The following MYO18A variants were observed in gnomAD, a reference collection of about 807,000 sequenced individuals.
The protein encoded by MYO18A is unconventional myosin-XVIIIa.
In MYO18A, 78 loss-of-function variants were observed where a neutral mutation model predicts 235.8. The observed-to-expected ratio is 0.33, with a 90% CI of 0.28 to 0.40. The LOEUF (loss-of-function observed/expected upper bound fraction) is 0.40, where lower values mean the gene tolerates loss of function less well. Ranked by LOEUF, MYO18A falls within the 10% of genes least tolerant of loss-of-function variation. MYO18A has a pLI of 1.00. For missense variants in MYO18A, 2,215 were observed against 2,699.3 expected (o/e 0.82, Z 3.98); for synonymous variants, 977 against 1,077.8 (o/e 0.91, Z 1.83).
In MYO18A at chr17:29,166,638, G is replaced by A; in HGVS notation, c.303C>T (p.Ser101=). ...CCTCACCCTTGAGGTCATCGCTGGA[G>A]CTGGCTGTACTTAGGTGGCCCGAGT... ...ILDSGHLSTA[S]SSDDLKGEEG... Residue 101 remains serine (S), a synonymous_variant, in exon 2 of 42, where the codon AGC becomes AGT. Transcript: ENST00000527372. 6.2e-7 allele frequency: 1 copy of A among 1,613,918 alleles called. No homozygotes were observed. The highest frequency in any genetic ancestry group is 1.1e-5 in the South Asian group (1 of 91,080).
At chr17:29,176,730 C>A (rs1476302829) in intron 1 of MYO18A, 2 of 152,272 alleles carry the variant, frequency 1.3e-5, no homozygotes. Flanking sequence ...TGCTGAGCTC[C>A]GCAGCGCCGG....
intron 1 of MYO18A, among the ~76,000 whole-genome samples, chr17:29,175,949 C>T (rs1011243348): frequency 6.6e-6 from 1 of 152,022 alleles, no homozygotes; most frequent in African/African-American, 2.4e-5. Flanking sequence ...ATCCCAGCTG[C>T]TCGGGAGGCT....
chr17:29,171,835 T>C (rs926616676), intron 1 of MYO18A, among the ~76,000 whole-genome samples: 21 of 151,412 alleles, frequency 1.4e-4, no homozygotes, highest in Admixed American at 2.6e-4. Context: ...CGAGGCTACA[T>C]TGAGCCACGA....
rs1308230605 is a variant in MYO18A, at chr17:29,120,545, AGCCTGATGTCTAGGTC to A, written c.1728+55_1728+70del. On this transcript the variant is annotated intron_variant, in intron 7 of 41. Transcript: ENST00000527372. This position sits in a 1 kb window ranked among gnomAD's most constrained non-coding sequence, Gnocchi z 4.2. ...CCCAGGAAAATGAGGCATGGGAGAG[AGCCTGATGTCTAGGTC>A]ATGAAATCATGTGGCCTGTGTCCTA... 1.7e-5 allele frequency: 26 copies of A among 1,537,712 alleles called. No homozygotes were observed. In the Middle Eastern group the frequency reaches 5.2e-4, roughly 31 times the overall value.
intron 2 of MYO18A, among the ~76,000 whole-genome samples, chr17:29,149,153 G>T (rs1021805193): frequency 1.3e-5 from 2 of 152,252 alleles, no homozygotes; most frequent in African/African-American, 4.8e-5. Flanking sequence ...GCCCGAGGGG[G>T]CTGCGGCGGC....
At chr17:29,086,227 C>CT (rs2066250380) in intron 39 of MYO18A, among the ~76,000 whole-genome samples, 1 of 152,176 alleles carries the variant, frequency 6.6e-6, no homozygotes, top group African/African-American at 2.4e-5. Flanking sequence ...AGAGGGGAGA[C>CT]TGGCTGGGTG....
chr17:29,116,559 G>T, intron 10 of MYO18A, 104 bp from the exon 11 acceptor site: 2 of 1,386,504 alleles, frequency 1.4e-6, no homozygotes, highest in Non-Finnish European at 2.0e-6. Context: ...GGGCGGGGGT[G>T]TTGTGAGGAT....
intron 15 of MYO18A, among the ~76,000 whole-genome samples, chr17:29,112,287 C>T (rs1351948954): frequency 6.6e-6 from 1 of 152,256 alleles, no homozygotes; most frequent in African/African-American, 2.4e-5. Flanking sequence ...CCTAAGGAAG[C>T]TGTCAGTAAG....
chr17:29,096,376 G>A (rs190493906), intron 28 of MYO18A, among the ~76,000 whole-genome samples: 14 of 152,328 alleles, frequency 9.2e-5, no homozygotes, highest in African/African-American at 2.9e-4. Flanking sequence ...GTAGTTTAAC[G>A]ACATTAGTCA....
chr17:29,122,042 C>T lies in MYO18A; in HGVS notation c.1088-85G>A, dbSNP rs186106569. The T allele has an allele frequency of 2.8e-4, 424 of 1,510,230 alleles. 1 individual carries two copies. Among genetic ancestry groups the T allele is most frequent in the Middle Eastern group, 1.4e-3 (8 of 5,866 alleles). The allele number at this position is 1,510,230 out of a possible 1,614,324, so 93.6% of individuals were successfully genotyped here. ...GAACTTCTCGGTCCTATCCTCCCCC[C>T]CACTGCATCACCAGCCTCTCCTTGC... On this transcript the variant is annotated intron_variant, in intron 3 of 41. Transcript: ENST00000527372.
At chr17:29,099,037 C>A (rs1042913069) in intron 22 of MYO18A, 68 bp from the exon 23 acceptor site, 2 of 1,590,342 alleles carry the variant, frequency 1.3e-6, no homozygotes, top group African/African-American at 1.3e-5. Context: ...GGCCCAGGAT[C>A]CTCCCCACCA....
intron 15 of MYO18A, among the ~76,000 whole-genome samples, chr17:29,113,095 C>T (rs908818645): frequency 1.1e-4 from 17 of 152,230 alleles, no homozygotes; most frequent in South Asian, 2.1e-4. Flanking sequence ...GGAACCACAA[C>T]GGTTCTGAGT....
chr17:29,138,304 T>C (rs1039429217), intron 2 of MYO18A, among the ~76,000 whole-genome samples: 1 of 151,424 alleles, frequency 6.6e-6, no homozygotes, highest in African/African-American at 2.4e-5. Context: ...AGCTGAGACG[T>C]AGCTGGTGGC....
chr17:29,096,196 C>T (rs763207625), intron 28 of MYO18A, among the ~76,000 whole-genome samples: 17 of 152,150 alleles, frequency 1.1e-4, no homozygotes, highest in Non-Finnish European at 2.4e-4. Context: ...GCACTGTTCC[C>T]GCTCCCCAGG....
intron 2 of MYO18A, among the ~76,000 whole-genome samples, chr17:29,148,607 T>A (rs2067899193): frequency 6.6e-6 from 1 of 151,782 alleles, no homozygotes; most frequent in African/African-American, 2.4e-5. Context: ...TGTGTGTGTG[T>A]GTGTGTGTGT....
chr17:29,123,653 AAATAACTCTG>A (rs1277603126), intron 2 of MYO18A, among the ~76,000 whole-genome samples: 2 of 152,222 alleles, frequency 1.3e-5, no homozygotes, highest in Non-Finnish European at 2.9e-5. Context: ...TGGACCCATG[AAATAACTCTG>A]AATAGGAGGA....
chr17:29,124,293 G>C (rs1180977581), intron 2 of MYO18A, among the ~76,000 whole-genome samples: 1 of 152,232 alleles, frequency 6.6e-6, no homozygotes, highest in Non-Finnish European at 1.5e-5. Flanking sequence ...GAAGAGGGCA[G>C]AGATTCTGCC....
intron 1 of MYO18A, among the ~76,000 whole-genome samples, chr17:29,174,203 T>G (rs1163374548): frequency 1.3e-5 from 2 of 152,236 alleles, no homozygotes. Flanking sequence ...ATAAAAGTCC[T>G]TACTAGAGAA....
Position 29,140,372 on chromosome 17 carries a change from A to G in MYO18A, c.1000-18119T>C. The G allele has an allele frequency of 7.8e-7, 1 of 1,284,584 alleles. No individual in the cohort carries two copies. The highest frequency in any genetic ancestry group is 1.5e-5 in the African/African-American group (1 of 65,706). The allele number at this position is 1,284,584 out of a possible 1,614,324, so 79.6% of individuals were successfully genotyped here. A position where few individuals can be genotyped will look rare whatever the true frequency, so the allele number is the denominator to read the frequency against. Reference sequence around the variant, plus strand: ...GCCTGGCCTGGAGCAGCCCAGAGCAAGGAGACTCCGCTCTGATGCTGCTCT... The same window carrying G: ...GCCTGGCCTGGAGCAGCCCAGAGCAGGGAGACTCCGCTCTGATGCTGCTCT... On this transcript the variant is annotated intron_variant, in intron 2 of 41. Transcript: ENST00000527372. The surrounding 1 kb of genome is among the most constrained non-coding windows in gnomAD (Gnocchi z 4.2).
Sources: gnomAD v4.1 joint callset for allele counts (sites outside exome capture counted in the v4.1 genomes callset) on GRCh38, gnomAD v4.1.1 for gene constraint, Gnocchi (gnomAD v3.1) non-coding constraint, MANE v1.5 for transcripts, NCBI Gene and HGNC (gene_info 2026-07-23, HGNC 2026-07-21) for gene names.